Variants in SPECC1L observed in about 807,000 individuals in gnomAD.
SPECC1L encodes the protein cytospin-A.
A neutral mutation model predicts 116.8 loss-of-function variants in SPECC1L; 40 were observed. The ratio of observed to expected loss-of-function variants is 0.34; its 90% CI spans 0.27 to 0.45. SPECC1L has a LOEUF of 0.45. SPECC1L is among the 20% of genes least tolerant of loss of function. The probability of loss-of-function intolerance (pLI) is 1.00; values close to 1 mark genes in which losing one functional copy is unlikely to be tolerated. For missense variants in SPECC1L, 1,110 were observed against 1,373.6 expected (o/e 0.81, Z 3.03); for synonymous variants, 504 against 500.6 (o/e 1.01, Z -0.09).
intron 11 of SPECC1L, among the ~76,000 whole-genome samples, chr22:24,349,146 T>A (rs551282928): frequency 1.1e-3 from 162 of 152,284 alleles, no homozygotes; most frequent in African/African-American, 3.8e-3. Context: ...GTTTAAGTGA[T>A]TCTCCTGCCT....
intron 7 of SPECC1L, 125 bp downstream of exon 7, chr22:24,329,044 CT>C: frequency 1.3e-6 from 1 of 758,814 alleles, no homozygotes; most frequent in Non-Finnish European, 2.3e-6. Context: ...CCCCATTGGG[CT>C]TTGGGCAGAA....
At position 24,273,944 on chromosome 22, in the gene SPECC1L, G is replaced by T. The variant is rs188238971; in HGVS notation, c.-141-2756G>T. Among the ~76,000 whole-genome samples the T allele has an allele frequency of 8.5e-4, 129 of 152,324 alleles. 1 individual carries two copies. The East Asian group carries it at 0.02, about 23-fold the overall frequency. ...TGGCTGATTTTGTATTTTTAGTAGA[G>T]ACAGGGTTTTTCCATGTTGGTCAGG... On this transcript the variant is annotated intron_variant, in intron 1 of 16. Transcript: ENST00000314328.
At chr22:24,330,497 A>G (rs1367272250) in intron 8 of SPECC1L, 66 bp downstream of exon 8, 2 of 1,535,824 alleles carry the variant, frequency 1.3e-6, no homozygotes, top group East Asian at 4.5e-5. Flanking sequence ...CCAATTTTTG[A>G]TGTGGTGCTA....
chr22:24,393,329 G>A (rs1444094114), intron 14 of SPECC1L, among the ~76,000 whole-genome samples: 1 of 152,204 alleles, frequency 6.6e-6, no homozygotes, highest in Non-Finnish European at 1.5e-5. Flanking sequence ...GGTAGATGAG[G>A]CAATATGAGG....
chr22:24,326,162 A>G (rs768703762), intron 6 of SPECC1L, among the ~76,000 whole-genome samples: 9 of 152,200 alleles, frequency 5.9e-5, no homozygotes, highest in Non-Finnish European at 1.3e-4. Flanking sequence ...CACGTTGGCC[A>G]GGCTGGTCTC....
chr22:24,373,758 A>G (rs2041915815), intron 14 of SPECC1L, among the ~76,000 whole-genome samples: 1 of 152,220 alleles, frequency 6.6e-6, no homozygotes, highest in East Asian at 1.9e-4. Context: ...TGGCAACAAA[A>G]GCGAAAATTG....
At chr22:24,319,869 T>C (rs542077610) in intron 4 of SPECC1L, among the ~76,000 whole-genome samples, 142 of 152,366 alleles carry the variant, frequency 9.3e-4, no homozygotes, top group African/African-American at 1.6e-3. Context: ...AAAATACTTA[T>C]TGATTAGATG....
chr22:24,274,831 C>G (rs776981587), intron 1 of SPECC1L, among the ~76,000 whole-genome samples: 2 of 152,216 alleles, frequency 1.3e-5, no homozygotes, highest in African/African-American at 2.4e-5. Context: ...GCTTTGACCC[C>G]TGTTCTCCTT....
At chr22:24,312,683 A>G (rs1231723130) in intron 3 of SPECC1L, among the ~76,000 whole-genome samples, 1 of 152,170 alleles carries the variant, frequency 6.6e-6, no homozygotes, top group Non-Finnish European at 1.5e-5. Context: ...TGTTTTTTAA[A>G]TTGCCTTTAT....
rs1266741761 is a variant in SPECC1L, at chr22:24,322,827, A to G, written c.1847A>G (p.Lys616Arg). The G allele has an allele frequency of 6.2e-7, 1 of 1,610,302 alleles. No individual in the cohort carries two copies. Among genetic ancestry groups the G allele is most frequent in the Admixed American group, 1.7e-5 (1 of 59,546 alleles). ...CTCCTGGAGAGTGTCAGGCTGGACA[A>G]AGAAAAAGCAGAGACTTTGGCTAGT... ...QDLLESVRLD[K>R]EKAETLASSL... Residue 616 changes from lysine (K) to arginine (R), a missense_variant, in exon 5 of 17, where the codon AAA (lysine) becomes AGA (arginine). Coordinates refer to ENST00000314328, the MANE Select transcript of SPECC1L (RefSeq NM_015330.6).
intron 16 of SPECC1L, among the ~76,000 whole-genome samples, chr22:24,413,025 G>A (rs5760401): frequency 0.52 from 78,566 of 152,048 alleles, 20,426 homozygotes; most frequent in East Asian, 0.55. Context: ...CCATAAGGGA[G>A]TCCCTCAGGT....
intron 11 of SPECC1L, among the ~76,000 whole-genome samples, chr22:24,349,990 G>A (rs559921307): frequency 6.6e-6 from 1 of 152,192 alleles, no homozygotes; most frequent in South Asian, 2.1e-4. Context: ...CCAGACCCTC[G>A]CAGCCTGGCC....
intron 2 of SPECC1L, among the ~76,000 whole-genome samples, chr22:24,296,803 G>A (rs1360723568): frequency 6.6e-6 from 1 of 152,182 alleles, no homozygotes; most frequent in Non-Finnish European, 1.5e-5. Context: ...TAAGGAATTT[G>A]TGGAAGCATT....
intron 14 of SPECC1L, among the ~76,000 whole-genome samples, chr22:24,400,812 C>T (rs1290372052): frequency 3.3e-5 from 5 of 152,174 alleles, no homozygotes; most frequent in Non-Finnish European, 5.9e-5. Flanking sequence ...AGTGACTAAC[C>T]GTGTTGAGCC....
At chr22:24,332,946 C>G (rs1346916847) in intron 8 of SPECC1L, among the ~76,000 whole-genome samples, 1 of 152,008 alleles carries the variant, frequency 6.6e-6, no homozygotes. Context: ...AAGTTCTAAT[C>G]AGCCGGGCGC....
intron 2 of SPECC1L, among the ~76,000 whole-genome samples, chr22:24,279,043 C>T (rs1382132783): frequency 2.0e-5 from 3 of 152,136 alleles, no homozygotes; most frequent in South Asian, 2.1e-4. Flanking sequence ...TGAAAGGTTC[C>T]GAAGGATGCA....
intron 3 of SPECC1L, among the ~76,000 whole-genome samples, chr22:24,302,624 G>T (rs1174533758): frequency 1.3e-5 from 2 of 152,168 alleles, no homozygotes; most frequent in Non-Finnish European, 2.9e-5. Flanking sequence ...CCTTGTGCAG[G>T]ATGCTGTGAT....
chr22:24,345,788 G>T (rs1463496908), intron 10 of SPECC1L, among the ~76,000 whole-genome samples: 2 of 152,180 alleles, frequency 1.3e-5, no homozygotes, highest in African/African-American at 4.8e-5. Flanking sequence ...GGAGAAGCTG[G>T]ACCTTGTCCA....
chr22:24,288,319 AC>A (rs1460923033), intron 2 of SPECC1L, among the ~76,000 whole-genome samples: 1 of 152,044 alleles, frequency 6.6e-6, no homozygotes, highest in Non-Finnish European at 1.5e-5. Flanking sequence ...GGCCTCTTAC[AC>A]ACTCACTGTC....
Sources: gnomAD v4.1 joint callset for allele counts (sites outside exome capture counted in the v4.1 genomes callset) on GRCh38, gnomAD v4.1.1 for gene constraint, MANE v1.5 for transcripts, NCBI Gene and HGNC (gene_info 2026-07-23, HGNC 2026-07-21) for gene names.